The following LRWD1 variants were observed in gnomAD, a reference collection of about 807,000 sequenced individuals.
LRWD1 encodes the protein leucine-rich repeat and WD repeat-containing protein 1.
A neutral mutation model predicts 75.6 loss-of-function variants in LRWD1; 76 were observed. The observed-to-expected ratio is 1.01, with a 90% CI of 0.84 to 1.22. The LOEUF is 1.22. Ranked by LOEUF, LRWD1 falls within the 50% of genes most tolerant of loss-of-function variation. LRWD1 has a pLI of 0.00. For synonymous variants in LRWD1, 487 were observed against 377.0 expected (o/e 1.29, Z -3.38); for missense variants, 917 against 862.0 (o/e 1.06, Z -0.80).
At chr7:102,469,430 G>A (rs1798119244) in intron 9 of LRWD1, 144 bp from the exon 10 acceptor site, 5 of 879,440 alleles carry the variant, frequency 5.7e-6, no homozygotes, top group Non-Finnish European at 8.9e-6. Flanking sequence ...GGGCCCAGGA[G>A]TGTTCCTGTC....
chr7:102,468,961 T>C lies in LRWD1; in HGVS notation c.1127T>C (p.Leu376Pro), dbSNP rs777353850. The C allele has an allele frequency of 6.2e-7, 1 of 1,612,728 alleles. No individual in the cohort carries two copies. The highest frequency in any genetic ancestry group is 8.5e-7 in the Non-Finnish European group (1 of 1,179,892). The change falls in exon 9 of 15, where the codon CTG (leucine) becomes CCG (proline). Residue 376 changes from leucine to proline, a missense_variant. Physicochemically the swap from Leu to Pro is moderately conservative, Grantham distance 98. Coordinates refer to ENST00000292616, the MANE Select transcript of LRWD1 (RefSeq NM_152892.3). ...AAAGLRGLVR[L>P]LHVRAGFCCG... is the part of the protein sequence containing the mutation. ...GCAGGCCTACGGGGCCTGGTCCGGC[T>C]GCTGCACGTGCGTGCCGGCTTCTGC...
In LRWD1 at chr7:102,467,337, A is replaced by G; in HGVS notation, c.433-2A>G. On this transcript the variant is annotated splice_acceptor_variant, in intron 3 of 14. Transcript: ENST00000292616. LOFTEE classifies it high-confidence loss of function. ...GCCTGGATCTGGTCCCTCTTGCACC[A>G]GGTCACAGCTCACTGGGAGAAGTTC... 6.2e-7 allele frequency: 1 copy of G among 1,602,634 alleles called. No homozygotes were observed. The highest frequency in any genetic ancestry group is 8.5e-7 in the Non-Finnish European group (1 of 1,174,852).
At chr7:102,471,566 GCTT>G (rs1446677430) in intron 11 of LRWD1, 3 of 154,960 alleles carry the variant, frequency 1.9e-5, no homozygotes, top group Non-Finnish European at 4.4e-5. Flanking sequence ...TGTCTAAGAT[GCTT>G]CTTCTCTTAC....
In LRWD1 at chr7:102,467,176, G is replaced by A. The variant is rs1483299945; in HGVS notation, c.433-163G>A. On this transcript the variant is annotated intron_variant, in intron 3 of 14. Transcript: ENST00000292616. ...TGTTGCTGGGGTGTGTGTGGGGTGTGTGTGTGTGTGTGTGTGTGTGTGTGT... is the reference window on the plus strand; with the variant it reads ...TGTTGCTGGGGTGTGTGTGGGGTGTATGTGTGTGTGTGTGTGTGTGTGTGT... Among the ~76,000 whole-genome samples, 6 of 102,798 alleles carry A rather than the reference G, an allele frequency of 5.8e-5. 1 individual carries two copies. Among genetic ancestry groups the A allele is most frequent in the South Asian group, 2.8e-4 (1 of 3,534 alleles). The allele number at this position is 102,798 out of a possible 152,430, so 67.4% of individuals were successfully genotyped here. A position where few individuals can be genotyped will look rare whatever the true frequency, so the allele number is the denominator to read the frequency against.
chr7:102,469,664 G>T lies in LRWD1; in HGVS notation c.1301+18G>T. Reference sequence around the variant, plus strand: ...CAGGCCAGGTGATGCTTCGGGTGAGGCTGGGGAGTGGCCAGCTGCTGGGGC... The same window carrying T: ...CAGGCCAGGTGATGCTTCGGGTGAGTCTGGGGAGTGGCCAGCTGCTGGGGC... On this transcript the variant is annotated intron_variant, in intron 10 of 14. Coordinates refer to ENST00000292616, the MANE Select transcript of LRWD1 (RefSeq NM_152892.3). The T allele has an allele frequency of 1.9e-6, 3 of 1,614,164 alleles. No homozygotes were observed. The highest frequency in any genetic ancestry group is 2.5e-6 in the Non-Finnish European group (3 of 1,179,982).
Position 102,472,948 on chromosome 7 carries a change from G to T in LRWD1, c.1843G>T (p.Val615Leu). ...WPQPWALGQV[V>L]TKTMVNTVVA... is the part of the protein sequence containing the mutation. The stretch of plus-strand genomic sequence containing the variant: ...CCAGCCCTGGGCCCTTGGCCAGGTG[G>T]TGACCAAGACCATGGTGAACACAGT... The change falls in exon 15 of 15, where the codon GTG becomes TTG. Residue 615 changes from valine to leucine, a missense_variant. By Grantham distance (32) the Val-to-Leu change is conservative. Transcript: ENST00000292616. 5 of 1,614,092 alleles carry T rather than the reference G, an allele frequency of 3.1e-6. No homozygotes were observed. Among genetic ancestry groups the T allele is most frequent in the South Asian group, 2.2e-5 (2 of 91,088 alleles).
intron 6 of LRWD1, 24 bp from the exon 7 acceptor site, chr7:102,468,239 T>C (rs113296404): frequency 0.067 from 107,292 of 1,601,414 alleles, 3,906 homozygotes; most frequent in Non-Finnish European, 0.074. Flanking sequence ...GCTGGGCAGC[T>C]GTGACCCTTC....
rs766806541 is a variant in LRWD1 at position 102,468,377 on chromosome 7, G to A, written c.919G>A (p.Gly307Arg). 4.4e-6 allele frequency: 7 copies of A among 1,602,358 alleles called. No individual in the cohort carries two copies. Among genetic ancestry groups the A allele is most frequent in the South Asian group, 3.4e-5 (3 of 89,234 alleles). The change falls in exon 7 of 15, where the codon GGG becomes AGG. Residue 307 changes from glycine to arginine, a missense_variant and splice_region_variant. By Grantham distance (125) the Gly-to-Arg change is moderately radical. Coordinates refer to ENST00000292616, the MANE Select transcript of LRWD1 (RefSeq NM_152892.3). ...TGCCTTCGAGCCGGCCTGGGAGGAG[G>A]GTACATGGTGGCGGGCAGGCGGGGC... The part of the protein sequence containing the change: ...ACAFEPAWEE[G>R]ATSQTVATCG...
Position 102,465,041 on chromosome 7 carries a change from G to A in LRWD1, c.-40G>A, listed in dbSNP as rs754083319. ...AGACGCAGGGCGACGCCACACGCCG[G>A]GGTGGCCGACTGGGTCAGCGCGGGC... On this transcript the variant is annotated 5_prime_UTR_variant, in exon 1 of 15. Coordinates refer to ENST00000292616, the MANE Select transcript of LRWD1 (RefSeq NM_152892.3). The A allele has an allele frequency of 2.1e-6, 3 of 1,443,614 alleles. No individual in the cohort carries two copies. The East Asian group carries it at 9.1e-5, about 44-fold the overall frequency. 89.4% of individuals were successfully genotyped at this position (1,443,614 alleles called of 1,614,324 possible).
chr7:102,467,295 G>A, intron 3 of LRWD1, 44 bp from the exon 4 acceptor site: 1 of 1,556,954 alleles, frequency 6.4e-7, no homozygotes, highest in African/African-American at 1.4e-5. Context: ...GGGTCCGGAG[G>A]AGCTGGGGTG....
chr7:102,465,400 G>A (rs1463397436), intron 1 of LRWD1: 6 of 442,728 alleles, frequency 1.4e-5, no homozygotes, highest in Non-Finnish European at 2.4e-5. Flanking sequence ...ATCGTTAGAG[G>A]GCCTGGGAAG....
intron 3 of LRWD1, among the ~76,000 whole-genome samples, chr7:102,467,013 C>T (rs1369400828): frequency 6.6e-6 from 1 of 151,306 alleles, no homozygotes; most frequent in African/African-American, 2.4e-5. Flanking sequence ...TGGCCTCAAG[C>T]GATGCTTCTT....
chr7:102,472,034 C>T (rs562254608), intron 11 of LRWD1, 184 bp from the exon 12 acceptor site: 3 of 606,850 alleles, frequency 4.9e-6, no homozygotes, highest in Middle Eastern at 4.5e-4. Flanking sequence ...CACTCAGGTG[C>T]TGGCTCCCCC....
rs1007523343 is a variant in LRWD1 at position 102,465,489 on chromosome 7, C to CT, written c.81-292dup. 4.1e-3 allele frequency: 305 copies of CT among 73,682 alleles called. 32 individuals carry two copies. Among genetic ancestry groups the CT allele is most frequent in the African/African-American group, 0.016 (178 of 11,132 alleles). 4.6% of individuals were successfully genotyped at this position (73,682 alleles called of 1,614,324 possible). A position where few individuals can be genotyped will look rare whatever the true frequency, so the allele number is the denominator to read the frequency against. ...CCCCCGAGTCCTAAAGTAGTTGCAG[C>CT]TTTTTTTTTTTTTTTTTTTTTTTTT... On this transcript the variant is annotated intron_variant, in intron 1 of 14. Transcript: ENST00000292616.
At chr7:102,465,315 A>C (rs1056719909) in intron 1 of LRWD1, 155 bp downstream of exon 1, 34 of 783,320 alleles carry the variant, frequency 4.3e-5, no homozygotes, top group Non-Finnish European at 5.9e-5. Flanking sequence ...TCGTGGCCCC[A>C]CCCGCTCGCC....
chr7:102,469,427 G>A, intron 9 of LRWD1, 147 bp from the exon 10 acceptor site: 2 of 861,914 alleles, frequency 2.3e-6, no homozygotes, highest in Non-Finnish European at 3.7e-6. Flanking sequence ...TGGGGGCCCA[G>A]GAGTGTTCCT....
intron 5 of LRWD1, 75 bp downstream of exon 5, chr7:102,467,898 C>T (rs546883626): frequency 4.6e-6 from 7 of 1,517,294 alleles, no homozygotes; most frequent in Non-Finnish European, 6.2e-6. Flanking sequence ...ACCAAGGCGT[C>T]CTGGGCATGT....
Position 102,467,782 on chromosome 7 carries a change from C to T in LRWD1, c.637C>T (p.Pro213Ser), listed in dbSNP as rs1280853788. The T allele has an allele frequency of 1.9e-6, 3 of 1,551,316 alleles. No homozygotes were observed. The highest frequency in any genetic ancestry group is 1.4e-5 in the African/African-American group (1 of 73,058). ...SRTQVQKANSPEKPPEAGAAH... is the reference protein window; with the variant it reads ...SRTQVQKANSSEKPPEAGAAH... The stretch of plus-strand genomic sequence containing the variant: ...GACCCAGGTGCAAAAGGCTAACAGC[C>T]CAGAGAAGCCCCCAGAAGCTGGAGC... Residue 213 changes from proline to serine, a missense_variant, in exon 5 of 15, where the codon CCA becomes TCA. By Grantham distance (74) the Pro-to-Ser change is moderately conservative. Transcript: ENST00000292616.
rs1192494910 is a variant in LRWD1, at chr7:102,473,020, A to C, written c.1915A>C (p.Asn639His). ...CTACCTCACCGCCCTGACGGACTCC[A>C]ACATCGTAGCCATCTGGGGGAGGAT... The part of the protein sequence containing the change: ...FTYLTALTDS[N>H]IVAIWGRM The change falls in exon 15 of 15, where the codon AAC becomes CAC. Residue 639 changes from asparagine (N) to histidine (H), a missense_variant. Coordinates refer to ENST00000292616, the MANE Select transcript of LRWD1 (RefSeq NM_152892.3). 6.2e-7 allele frequency: 1 copy of C among 1,613,888 alleles called. No individual in the cohort carries two copies. The highest frequency in any genetic ancestry group is 1.7e-5 in the Admixed American group (1 of 59,988).
Sources: gnomAD v4.1 joint callset for allele counts (sites outside exome capture counted in the v4.1 genomes callset) on GRCh38, gnomAD v4.1.1 for gene constraint, MANE v1.5 for transcripts, NCBI Gene and HGNC (gene_info 2026-07-23, HGNC 2026-07-21) for gene names.